Variants in ANTXR1 observed in about 807,000 individuals in gnomAD.
The protein encoded by ANTXR1 is ANTXR cell adhesion molecule 1.
ANTXR1 carries 19 observed loss-of-function variants against 78.1 expected under a neutral mutation model. That is an observed-to-expected ratio of 0.24 (90% confidence interval 0.17 to 0.36). The LOEUF is 0.36. ANTXR1 is among the 10% of genes least tolerant of loss of function. The pLI, the probability that ANTXR1 is intolerant of heterozygous loss-of-function variation, is 1.00. For missense variants in ANTXR1, 518 were observed against 718.6 expected (o/e 0.72, Z 3.19); for synonymous variants, 273 against 260.5 (o/e 1.05, Z -0.46).
chr2:69,018,569 C>G (rs774677247), intron 1 of ANTXR1, among the ~76,000 whole-genome samples: 12 of 152,196 alleles, frequency 7.9e-5, no homozygotes, highest in Non-Finnish European at 1.5e-4. Context: ...CTTGCAGACT[C>G]ATGCTCTCTC....
At chr2:69,029,048 C>CG (rs1469038821) in intron 1 of ANTXR1, among the ~76,000 whole-genome samples, 3 of 148,938 alleles carry the variant, frequency 2.0e-5, no homozygotes, top group South Asian at 2.1e-4. Flanking sequence ...GAGACCCCCC[C>CG]CCCTCCATCT....
intron 1 of ANTXR1, among the ~76,000 whole-genome samples, chr2:69,021,613 TCTC>T (rs765065676): frequency 2.0e-5 from 3 of 152,124 alleles, no homozygotes; most frequent in African/African-American, 4.8e-5. Flanking sequence ...CGTGCATCCT[TCTC>T]CTCACAGCCT....
intron 3 of ANTXR1, among the ~76,000 whole-genome samples, chr2:69,068,032 C>T (rs2104195478): frequency 6.6e-6 from 1 of 152,282 alleles, no homozygotes; most frequent in Non-Finnish European, 1.5e-5. Flanking sequence ...GGCTAATGTC[C>T]AGATCAGGTC....
rs773393397 is a variant in ANTXR1 at position 69,013,550 on chromosome 2, T to A, written c.51T>A (p.Ser17=). The change falls in exon 1 of 18, where the codon TCT becomes TCA. Residue 17 remains serine, a synonymous_variant. Coordinates refer to ENST00000303714, the MANE Select transcript of ANTXR1 (RefSeq NM_032208.3). The surrounding 1 kb of genome is among the most constrained non-coding windows in gnomAD (Gnocchi z 5.0). ...TCGGCATCGGCTTCCAGTGGCTCTC[T>A]TTGGCCACTCTGGTGCTCATCTGCG... ...RALGIGFQWL[S]LATLVLICAG... The A allele has an allele frequency of 6.3e-6, 10 of 1,581,374 alleles. No homozygotes were observed. The highest frequency in any genetic ancestry group is 8.6e-6 in the Non-Finnish European group (10 of 1,164,724).
At position 69,058,375 on chromosome 2, in the gene ANTXR1, A is replaced by T. The variant is rs577265566; in HGVS notation, c.297-12272A>T. ...TGGTGACTCTAAGTTGAAGCTAATG[A>T]TCATTTACCATTCTGAAAATCCTAG... On this transcript the variant is annotated intron_variant, in intron 3 of 17. Coordinates refer to ENST00000303714, the MANE Select transcript of ANTXR1 (RefSeq NM_032208.3). 3.7e-4 allele frequency among the ~76,000 whole-genome samples: 57 copies of T among 152,318 alleles called. No homozygotes were observed. In the South Asian group the frequency reaches 9.5e-3, roughly 25 times the overall value.
chr2:69,052,334 T>C (rs562962015), intron 3 of ANTXR1, among the ~76,000 whole-genome samples: 5 of 152,204 alleles, frequency 3.3e-5, no homozygotes, highest in East Asian at 1.9e-4. Flanking sequence ...TTAAGACTTA[T>C]AAGTCACCAT....
intron 12 of ANTXR1, among the ~76,000 whole-genome samples, chr2:69,142,045 T>G (rs1673083896): frequency 6.6e-6 from 1 of 152,194 alleles, no homozygotes; most frequent in Admixed American, 6.5e-5. Flanking sequence ...TAACTTGACA[T>G]CATAAAAAGA....
At chr2:69,115,856 T>C (rs1484213802) in intron 10 of ANTXR1, among the ~76,000 whole-genome samples, 2 of 152,170 alleles carry the variant, frequency 1.3e-5, no homozygotes, top group Non-Finnish European at 2.9e-5. Context: ...GGGCCATGTC[T>C]AAGGAAAAGG....
chr2:69,135,635 T>C (rs1672887790), intron 12 of ANTXR1, among the ~76,000 whole-genome samples: 1 of 152,112 alleles, frequency 6.6e-6, no homozygotes. Context: ...AAATTATCGG[T>C]CTAAAGAGGA....
At chr2:69,125,111 G>A (rs149985620) in intron 12 of ANTXR1, among the ~76,000 whole-genome samples, 1 of 152,274 alleles carries the variant, frequency 6.6e-6, no homozygotes, top group East Asian at 1.9e-4. Flanking sequence ...TTTAGGATGG[G>A]AGAATTTGCA....
intron 17 of ANTXR1, among the ~76,000 whole-genome samples, chr2:69,207,845 A>C (rs1674945989): frequency 6.6e-6 from 1 of 152,224 alleles, no homozygotes; most frequent in Non-Finnish European, 1.5e-5. Flanking sequence ...AATTTTATTG[A>C]GCGACGGAAC....
intron 13 of ANTXR1, among the ~76,000 whole-genome samples, chr2:69,158,386 G>A (rs1673585939): frequency 2.0e-5 from 3 of 152,266 alleles, no homozygotes; most frequent in South Asian, 4.1e-4. Context: ...GTCCATTTCA[G>A]TAGCATCCTG....
chr2:69,147,454 C>G (rs1193091653), intron 12 of ANTXR1, among the ~76,000 whole-genome samples: 1 of 152,208 alleles, frequency 6.6e-6, no homozygotes, highest in Non-Finnish European at 1.5e-5. Context: ...TGCCATGGTC[C>G]CCCTCCCTCT....
chr2:69,137,819 T>G (rs1346875433), intron 12 of ANTXR1, among the ~76,000 whole-genome samples: 1 of 145,778 alleles, frequency 6.9e-6, no homozygotes, highest in African/African-American at 2.5e-5. Flanking sequence ...GCGCGGTGGC[T>G]CCGCCTATAA....
chr2:69,183,141 T>G (rs903259180), intron 16 of ANTXR1, among the ~76,000 whole-genome samples: 9 of 152,194 alleles, frequency 5.9e-5, no homozygotes, highest in Admixed American at 5.2e-4. Context: ...GGCAGCCTTC[T>G]CCTTAATGCT....
intron 8 of ANTXR1, among the ~76,000 whole-genome samples, chr2:69,078,894 C>T (rs1182950748): frequency 3.3e-5 from 5 of 151,972 alleles, no homozygotes; most frequent in Admixed American, 6.6e-5. Context: ...ATACCTATTC[C>T]CAAGAGATTC....
rs1671507871 is a variant in ANTXR1, at chr2:69,098,700, T to C, written c.704-4142T>C. 2.0e-5 allele frequency among the ~76,000 whole-genome samples: 3 copies of C among 152,288 alleles called. No individual in the cohort carries two copies. The South Asian group carries it at 6.2e-4, about 32-fold the overall frequency. On this transcript the variant is annotated intron_variant, in intron 9 of 17. Transcript: ENST00000303714. The stretch of plus-strand genomic sequence containing the variant: ...AAAATCACCCTTTTAAAAGGTACAA[T>C]TCAGGCCAGGCGTGGTGGCTCACAC...
chr2:69,198,534 A>G (rs1674709710), intron 17 of ANTXR1, among the ~76,000 whole-genome samples: 1 of 152,182 alleles, frequency 6.6e-6, no homozygotes, highest in African/African-American at 2.4e-5. Context: ...CTTAATCCTT[A>G]TGACATTTAA....
intron 17 of ANTXR1, among the ~76,000 whole-genome samples, chr2:69,197,483 G>T (rs1674692627): frequency 6.6e-6 from 1 of 152,212 alleles, no homozygotes; most frequent in African/African-American, 2.4e-5. Context: ...GTCATGCCCT[G>T]AACATGCCAG....
Sources: gnomAD v4.1 joint callset for allele counts (sites outside exome capture counted in the v4.1 genomes callset) on GRCh38, gnomAD v4.1.1 for gene constraint, Gnocchi (gnomAD v3.1) non-coding constraint, MANE v1.5 for transcripts, NCBI Gene and HGNC (gene_info 2026-07-23, HGNC 2026-07-21) for gene names.